PCDH15: variants seen among roughly 807,000 people sequenced by gnomAD.
The protein encoded by PCDH15 is protocadherin-15.
Under a neutral mutation model 178.5 loss-of-function variants are expected in PCDH15, and 129 were observed. That is an observed-to-expected ratio of 0.72 (90% confidence interval 0.63 to 0.84). The LOEUF is 0.84. Among genes scored for constraint, PCDH15 ranks in the 40% least tolerant of loss-of-function variants. PCDH15 has a pLI of 0.00. For synonymous variants in PCDH15, 800 were observed against 732.0 expected, an observed-to-expected ratio of 1.09 and a Z score of -1.50; for missense variants, 2,230 against 2,099.9, an observed-to-expected ratio of 1.06 and a Z score of -1.21.
chr10:53,897,488 A>C (rs2082028931), intron 26 of PCDH15, among the ~76,000 whole-genome samples: 1 of 152,108 alleles, frequency 6.6e-6, no homozygotes, highest in African/African-American at 2.4e-5. Context: ...TCTTTCAATA[A>C]AAGTGATGCC....
chr10:54,731,563 T>TATATATATATATATATATATATATAC, intron 1 of PCDH15, among the ~76,000 whole-genome samples: 13 of 49,918 alleles, frequency 2.6e-4, no homozygotes, highest in Non-Finnish European at 4.8e-4. Flanking sequence ...TATATATATA[T>TATATATATATATATATATATATATAC]ACACACACAC....
intron 21 of PCDH15, among the ~76,000 whole-genome samples, chr10:53,962,462 T>C (rs2088457143): frequency 6.6e-6 from 1 of 152,200 alleles, no homozygotes; most frequent in African/African-American, 2.4e-5. Context: ...CTGTGTTGAT[T>C]ACCATGCTAG....
chr10:55,345,141 G>C (rs113413687), intron 2 of PCDH15, among the ~76,000 whole-genome samples: 60 of 150,822 alleles, frequency 4.0e-4, no homozygotes, highest in East Asian at 1.8e-3. Context: ...GTGTGTGTGT[G>C]TCTCTCTCTC....
intron 1 of PCDH15, among the ~76,000 whole-genome samples, chr10:54,747,868 T>G (rs796539693): frequency 2.0e-5 from 3 of 148,834 alleles, no homozygotes; most frequent in Admixed American, 1.4e-4. Flanking sequence ...TGCAGTGGCG[T>G]GATCTCCGCT....
At chr10:54,302,119 T>C (rs549118561) in intron 8 of PCDH15, among the ~76,000 whole-genome samples, 1 of 152,286 alleles carries the variant, frequency 6.6e-6, no homozygotes, top group South Asian at 2.1e-4. Flanking sequence ...GCATAGATAA[T>C]AATGAATAGC....
chr10:55,413,496 C>A (rs115157024), intron 2 of PCDH15, among the ~76,000 whole-genome samples: 5 of 151,498 alleles, frequency 3.3e-5, no homozygotes, highest in Admixed American at 3.3e-4. Context: ...AGGGAATAGA[C>A]GAAGTCTGCT....
intron 2 of PCDH15, among the ~76,000 whole-genome samples, chr10:55,524,218 C>T (rs1332196247): frequency 6.6e-6 from 1 of 151,444 alleles, no homozygotes; most frequent in Admixed American, 6.6e-5. Context: ...TCGGAAATAT[C>T]GGTTTACTTT....
chr10:55,082,885 T>C (rs1169290790), intron 2 of PCDH15, among the ~76,000 whole-genome samples: 1 of 151,860 alleles, frequency 6.6e-6, no homozygotes, highest in Non-Finnish European at 1.5e-5. Flanking sequence ...TAGCAAGTAA[T>C]GAGATCAAAG....
chr10:55,401,594 C>CTGTGTGTGTGTG (rs3074786), intron 2 of PCDH15, among the ~76,000 whole-genome samples: 1,984 of 133,132 alleles, frequency 0.015, 62 homozygotes, highest in African/African-American at 0.045. Flanking sequence ...ATTTGCCTTA[C>CTGTGTGTGTGTG]TGTGTGTGTG....
rs1252632632 is a variant in PCDH15 at position 54,561,980 on chromosome 10, C to T, written c.92-34103G>A. 1.9e-4 allele frequency among the ~76,000 whole-genome samples: 14 copies of T among 75,246 alleles called. 1 individual carries two copies. The highest frequency in any genetic ancestry group is 1.2e-3 in the East Asian group (3 of 2,474). 49.4% of individuals were successfully genotyped at this position (75,246 alleles called of 152,430 possible). A position where few individuals can be genotyped will look rare whatever the true frequency, so the allele number is the denominator to read the frequency against. ...TACAGGCATGAGCCACCGCACCCAG[C>T]TTTTTTTTTTTTTTTTTTTTTTTTT... On this transcript the variant is annotated intron_variant, in intron 2 of 37. Transcript: ENST00000644397.
chr10:55,069,366 T>C (rs1482417152), intron 2 of PCDH15, among the ~76,000 whole-genome samples: 3 of 149,332 alleles, frequency 2.0e-5, no homozygotes, highest in South Asian at 2.2e-4. Flanking sequence ...CATGCTGGTG[T>C]GCTGCACCCA....
intron 15 of PCDH15, among the ~76,000 whole-genome samples, chr10:54,131,695 G>C (rs1326899488): frequency 6.6e-6 from 1 of 152,134 alleles, no homozygotes. Context: ...GTAATGCCAA[G>C]AAAATTTCAG....
intron 1 of PCDH15, among the ~76,000 whole-genome samples, chr10:54,710,879 T>A (rs556456383): frequency 8.5e-5 from 13 of 152,136 alleles, no homozygotes; most frequent in Admixed American, 6.6e-5. Flanking sequence ...GATGGCCATA[T>A]GCAGTAATTT....
chr10:54,537,192 G>T (rs1448027826), intron 2 of PCDH15, among the ~76,000 whole-genome samples: 1 of 151,760 alleles, frequency 6.6e-6, no homozygotes, highest in Non-Finnish European at 1.5e-5. Flanking sequence ...GTAGAGACGG[G>T]GTTTCACCGT....
intron 1 of PCDH15, among the ~76,000 whole-genome samples, chr10:54,754,495 G>T (rs191166051): frequency 6.6e-6 from 1 of 151,862 alleles, no homozygotes; most frequent in African/African-American, 2.4e-5. Flanking sequence ...TTAATATGCC[G>T]ACACACATCT....
At chr10:55,484,787 G>A (rs1840262230) in intron 2 of PCDH15, among the ~76,000 whole-genome samples, 2 of 151,790 alleles carry the variant, frequency 1.3e-5, no homozygotes, top group African/African-American at 4.8e-5. Flanking sequence ...ACTGGGGTAA[G>A]GGCAGTCTCT....
intron 1 of PCDH15, among the ~76,000 whole-genome samples, chr10:55,275,051 T>G (rs556868204): frequency 6.6e-6 from 1 of 152,190 alleles, no homozygotes; most frequent in South Asian, 2.1e-4. Context: ...CTTACCATAT[T>G]TCTGTGATGT....
chr10:54,304,534 C>A (rs2060349188), intron 8 of PCDH15, among the ~76,000 whole-genome samples: 1 of 152,034 alleles, frequency 6.6e-6, no homozygotes, highest in African/African-American at 2.4e-5. Flanking sequence ...TAGGAAAAAA[C>A]GTCCTGGCAG....
intron 1 of PCDH15, among the ~76,000 whole-genome samples, chr10:55,215,540 A>C (rs1447760671): frequency 2.6e-5 from 4 of 152,120 alleles, no homozygotes; most frequent in Non-Finnish European, 5.9e-5. Context: ...TAATGAAAAC[A>C]ACACAGGTCA....
Sources: allele counts gnomAD v4.1 joint callset (sites outside exome capture counted in the v4.1 genomes callset), GRCh38; gene constraint gnomAD v4.1.1; transcripts MANE v1.5; gene names NCBI Gene and HGNC (gene_info 2026-07-23, HGNC 2026-07-21).